NUDCD3: variants seen among roughly 807,000 people sequenced by gnomAD.
The protein encoded by NUDCD3 is NudC domain containing 3.
A neutral mutation model predicts 39.7 loss-of-function variants in NUDCD3; 13 were observed. The observed-to-expected ratio is 0.33, with a 90% CI of 0.21 to 0.52. NUDCD3 has a LOEUF of 0.52. Among genes scored for constraint, NUDCD3 ranks in the 20% least tolerant of loss-of-function variants. The pLI is 0.96. For missense variants in NUDCD3, 453 were observed against 458.1 expected (o/e 0.99, Z 0.10); for synonymous variants, 175 against 172.4 (o/e 1.02, Z -0.12).
chr7:44,484,712 T>C (rs1800568246), intron 2 of NUDCD3: 3 of 417,254 alleles, frequency 7.2e-6, no homozygotes, highest in Non-Finnish European at 8.6e-6. Flanking sequence ...AGGAGTCAAG[T>C]GCTCTAATTT....
At chr7:44,447,878 C>G (rs116876436) in intron 2 of NUDCD3, among the ~76,000 whole-genome samples, 1 of 152,142 alleles carries the variant, frequency 6.6e-6, no homozygotes, top group Non-Finnish European at 1.5e-5. Flanking sequence ...TCTGGCCACA[C>G]AGGATTGCAC....
In NUDCD3 at chr7:44,380,772, A is replaced by G. The variant is rs1422320882; in HGVS notation, c.*5239T>C. On this transcript the variant is annotated 3_prime_UTR_variant, in exon 6 of 6. Transcript: ENST00000355451. ...GATCCCCAGTTCCCTGAACCAGAGC[A>G]GCTTCCTAAACTCCCTAGTCCAGCA... 1 of 152,272 alleles carries G rather than the reference A, an allele frequency of 6.6e-6. No homozygotes were observed. The highest frequency in any genetic ancestry group is 2.4e-5 in the African/African-American group (1 of 41,458). The allele number at this position is 152,272 out of a possible 1,614,324, so 9.4% of individuals were successfully genotyped here. A position where few individuals can be genotyped will look rare whatever the true frequency, so the allele number is the denominator to read the frequency against.
At position 44,392,337 on chromosome 7, in the gene NUDCD3, T is replaced by C. The variant is rs1472451165; in HGVS notation, c.935A>G (p.Tyr312Cys). 1.9e-6 allele frequency: 3 copies of C among 1,613,926 alleles called. No homozygotes were observed. The highest frequency in any genetic ancestry group is 1.6e-4 in the Middle Eastern group (1 of 6,082). ...TGGCTTGCCCTGCAGCTTCTGGTGGTAGTCAAAGGTAAGCCTGTCCAACAC... is the reference window on the plus strand; with the variant it reads ...TGGCTTGCCCTGCAGCTTCTGGTGGCAGTCAAAGGTAAGCCTGTCCAACAC... ...QAVLDRLTFD[Y>C]HQKLQGKPQS... The change falls in exon 5 of 6, where the codon TAC (tyrosine) becomes TGC (cysteine). Residue 312 changes from tyrosine to cysteine, a missense_variant. By Grantham distance (194) the Tyr-to-Cys change is radical (BLOSUM62 -2). Coordinates refer to ENST00000355451, the MANE Select transcript of NUDCD3 (RefSeq NM_015332.4).
chr7:44,416,158 G>A (rs1488873194), intron 3 of NUDCD3, among the ~76,000 whole-genome samples: 2 of 152,010 alleles, frequency 1.3e-5, no homozygotes, highest in Non-Finnish European at 2.9e-5. Context: ...ATCACAGTTC[G>A]CAGAAGCCTT....
chr7:44,380,729 T>C lies in NUDCD3; in HGVS notation c.*5282A>G, dbSNP rs1313030852. On this transcript the variant is annotated 3_prime_UTR_variant, in exon 6 of 6. Coordinates refer to ENST00000355451, the MANE Select transcript of NUDCD3 (RefSeq NM_015332.4). ...CCACCACTGGGGTCACAAGATGGCC[T>C]TGATCCCCAGTTATCTGGATCCCCA... The C allele has an allele frequency of 6.6e-6, 1 of 152,276 alleles. No homozygotes were observed. Among genetic ancestry groups the C allele is most frequent in the East Asian group, 1.9e-4 (1 of 5,192 alleles). The allele number at this position is 152,276 out of a possible 1,614,324, so 9.4% of individuals were successfully genotyped here.
chr7:44,465,999 G>C (rs900035690), intron 2 of NUDCD3, among the ~76,000 whole-genome samples: 3 of 152,096 alleles, frequency 2.0e-5, no homozygotes, highest in Admixed American at 6.5e-5. Context: ...GCATACTTTT[G>C]GGAAAGAAAT....
chr7:44,453,384 T>TAAATA lies in NUDCD3; in HGVS notation c.510-25682_510-25681insTATTT, dbSNP rs200485427. ...ATAAATAAATAAATAAATAAATAAA[T>TAAATA]AATAATAAATAAACAATGTCCATAG... On this transcript the variant is annotated intron_variant, in intron 2 of 5. Coordinates refer to ENST00000355451, the MANE Select transcript of NUDCD3 (RefSeq NM_015332.4). Among the ~76,000 whole-genome samples, 156 of 151,422 alleles carry TAAATA rather than the reference T, an allele frequency of 1.0e-3. 1 individual carries two copies. Among genetic ancestry groups the TAAATA allele is most frequent in the African/African-American group, 3.6e-3 (149 of 41,152 alleles).
chr7:44,448,738 C>T (rs1454980001), intron 2 of NUDCD3, among the ~76,000 whole-genome samples: 1 of 152,082 alleles, frequency 6.6e-6, no homozygotes, highest in Non-Finnish European at 1.5e-5. Flanking sequence ...GGACCACCTG[C>T]CGCCTCCACT....
intron 2 of NUDCD3, among the ~76,000 whole-genome samples, chr7:44,478,183 C>T (rs1009046436): frequency 6.6e-6 from 1 of 152,222 alleles, no homozygotes; most frequent in Non-Finnish European, 1.5e-5. Flanking sequence ...TAAGCACATT[C>T]TCTGATGCTA....
chr7:44,389,565 A>G (rs961495522), intron 5 of NUDCD3, among the ~76,000 whole-genome samples: 2 of 152,214 alleles, frequency 1.3e-5, no homozygotes, highest in Non-Finnish European at 2.9e-5. Flanking sequence ...AGAAATGGAG[A>G]GACAAGAGCA....
chr7:44,490,501 G>T lies in NUDCD3; in HGVS notation c.100C>A (p.Leu34Ile). The T allele has an allele frequency of 6.2e-7, 1 of 1,610,698 alleles. No individual in the cohort carries two copies. The highest frequency in any genetic ancestry group is 1.7e-5 in the Admixed American group (1 of 59,704). Residue 34 changes from leucine to isoleucine, a missense_variant, in exon 1 of 6, where the codon CTC becomes ATC. Coordinates refer to ENST00000355451, the MANE Select transcript of NUDCD3 (RefSeq NM_015332.4). ...CGATAGAAGTCTGTCTTGCGGTAGA[G>T]GAAGCCAAAGAGAACGCGCAGGAAA... Reference protein sequence around the residue: ...QDFLRVLFGFLYRKTDFYRLL... With the variant: ...QDFLRVLFGFIYRKTDFYRLL...
chr7:44,426,845 G>A (rs1014073397), intron 3 of NUDCD3, among the ~76,000 whole-genome samples: 1 of 152,044 alleles, frequency 6.6e-6, no homozygotes, highest in South Asian at 2.1e-4. Context: ...GGGACGCTGG[G>A]ATGAGGTGGG....
At chr7:44,475,693 G>A (rs748646852) in intron 2 of NUDCD3, among the ~76,000 whole-genome samples, 4 of 152,078 alleles carry the variant, frequency 2.6e-5, no homozygotes, top group African/African-American at 7.2e-5. Flanking sequence ...CCAGGAAGTC[G>A]AGGTTGCACT....
Position 44,385,837 on chromosome 7 carries a change from C to G in NUDCD3, c.*174G>C. ...CATAGCAGCTGGCCCCGCACCTTCT[C>G]TGGAACAGTCTGGAGATGCAAGGTC... On this transcript the variant is annotated 3_prime_UTR_variant, in exon 6 of 6. Transcript: ENST00000355451. 1 of 595,446 alleles carries G rather than the reference C, an allele frequency of 1.7e-6. No homozygotes were observed. The allele number at this position is 595,446 out of a possible 1,614,324, so 36.9% of individuals were successfully genotyped here.
At chr7:44,453,514 C>CT (rs1336039917) in intron 2 of NUDCD3, among the ~76,000 whole-genome samples, 4 of 152,052 alleles carry the variant, frequency 2.6e-5, no homozygotes, top group Non-Finnish European at 4.4e-5. Context: ...TTTTTCTGGA[C>CT]TTTAATTTCC....
chr7:44,463,893 C>T (rs998789792), intron 2 of NUDCD3, among the ~76,000 whole-genome samples: 3 of 151,974 alleles, frequency 2.0e-5, no homozygotes, highest in Non-Finnish European at 2.9e-5. Flanking sequence ...ACTTCTACAA[C>T]TTCACAAGCA....
At chr7:44,480,785 T>A (rs945387451) in intron 2 of NUDCD3, among the ~76,000 whole-genome samples, 1 of 151,366 alleles carries the variant, frequency 6.6e-6, no homozygotes, top group Admixed American at 6.6e-5. Context: ...CTACAAAAAA[T>A]ACAAAAATCA....
chr7:44,396,953 G>GT (rs1159673433), intron 4 of NUDCD3, among the ~76,000 whole-genome samples: 2 of 114,612 alleles, frequency 1.7e-5, no homozygotes, highest in African/African-American at 2.8e-5. Context: ...ATTTGTTTTT[G>GT]TTTTTTTCTG....
At chr7:44,411,990 G>C (rs1798935549) in intron 3 of NUDCD3, among the ~76,000 whole-genome samples, 1 of 152,234 alleles carries the variant, frequency 6.6e-6, no homozygotes. Context: ...TCTGAAGGAA[G>C]AAAAGAGATT....
Sources: allele counts gnomAD v4.1 joint callset (sites outside exome capture counted in the v4.1 genomes callset), GRCh38; gene constraint gnomAD v4.1.1; transcripts MANE v1.5; gene names NCBI Gene and HGNC (gene_info 2026-07-23, HGNC 2026-07-21).